Variants in NLGN1 observed in about 807,000 individuals in gnomAD.
NLGN1 encodes the protein neuroligin-1.
In NLGN1, 12 loss-of-function variants were observed where a neutral mutation model predicts 65.5. That is an observed-to-expected ratio of 0.18 (90% CI 0.12 to 0.30). NLGN1 has a LOEUF of 0.30. NLGN1 is among the 10% of genes least tolerant of loss of function. NLGN1 has a pLI of 1.00. For synonymous variants in NLGN1, 350 were observed against 359.5 expected (o/e 0.97, Z 0.30); for missense variants, 750 against 1,007.1 (o/e 0.74, Z 3.46).
At chr3:173,601,257 A>G (rs1257136867) in intron 2 of NLGN1, among the ~76,000 whole-genome samples, 1 of 152,012 alleles carries the variant, frequency 6.6e-6, no homozygotes, top group Non-Finnish European at 1.5e-5. Flanking sequence ...AAAAGAATAC[A>G]GGGAATTCAA....
intron 4 of NLGN1, among the ~76,000 whole-genome samples, chr3:174,199,887 G>A (rs371742878): frequency 6.6e-6 from 1 of 152,326 alleles, no homozygotes; most frequent in African/African-American, 2.4e-5. Flanking sequence ...ATGTGCAGAG[G>A]AGGAAATAAA....
chr3:174,243,604 A>AT (rs35041570), intron 4 of NLGN1, among the ~76,000 whole-genome samples: 17,792 of 151,884 alleles, frequency 0.12, 1,932 homozygotes, highest in African/African-American at 0.28. Flanking sequence ...CATTTCTAAT[A>AT]TTTTTTTCTG....
chr3:173,727,216 A>C (rs1578146308), intron 3 of NLGN1, among the ~76,000 whole-genome samples: 3 of 152,126 alleles, frequency 2.0e-5, no homozygotes, highest in Admixed American at 2.0e-4. Context: ...AGCAAATCCT[A>C]GTAGGGTTTA....
At chr3:173,698,187 G>C (rs1033347933) in intron 3 of NLGN1, among the ~76,000 whole-genome samples, 18 of 152,152 alleles carry the variant, frequency 1.2e-4, no homozygotes, top group Admixed American at 5.2e-4. Flanking sequence ...AAGGTTTGTA[G>C]TTTATTTATT....
chr3:173,560,007 G>A (rs1490507574), intron 2 of NLGN1, among the ~76,000 whole-genome samples: 1 of 144,634 alleles, frequency 6.9e-6, no homozygotes, highest in African/African-American at 2.6e-5. Context: ...GCAGTGGCAC[G>A]ATCTCAGCTC....
chr3:173,802,366 G>A (rs1715618452), intron 3 of NLGN1, among the ~76,000 whole-genome samples: 2 of 152,112 alleles, frequency 1.3e-5, no homozygotes, highest in South Asian at 2.1e-4. Context: ...AGTCACAAGA[G>A]TTATTGAATC....
intron 4 of NLGN1, among the ~76,000 whole-genome samples, chr3:174,049,227 C>T (rs530047370): frequency 2.2e-4 from 33 of 152,032 alleles, no homozygotes; most frequent in South Asian, 4.1e-4. Flanking sequence ...GTATGTGTAA[C>T]GCAGTAGCTA....
chr3:173,779,102 A>G (rs934919919), intron 3 of NLGN1, among the ~76,000 whole-genome samples: 6 of 151,734 alleles, frequency 4.0e-5, no homozygotes, highest in African/African-American at 1.4e-4. Flanking sequence ...TTTATATACA[A>G]ATCTGTAGAA....
chr3:174,148,470 C>T (rs1723748263), intron 4 of NLGN1, among the ~76,000 whole-genome samples: 1 of 152,150 alleles, frequency 6.6e-6, no homozygotes, highest in South Asian at 2.1e-4. Flanking sequence ...TGCCATAACC[C>T]TATAGCTACA....
intron 3 of NLGN1, among the ~76,000 whole-genome samples, chr3:173,652,486 G>A (rs1402178954): frequency 6.6e-6 from 1 of 151,948 alleles, no homozygotes; most frequent in African/African-American, 2.4e-5. Flanking sequence ...TCTACATATG[G>A]CAATTCCCAG....
intron 2 of NLGN1, among the ~76,000 whole-genome samples, chr3:173,588,311 A>G (rs1456805899): frequency 2.6e-5 from 4 of 152,202 alleles, no homozygotes; most frequent in Admixed American, 6.5e-5. Flanking sequence ...TGATTCCTTA[A>G]TAGTAACCCA....
At chr3:174,086,028 A>C (rs1743160999) in intron 4 of NLGN1, among the ~76,000 whole-genome samples, 1 of 151,934 alleles carries the variant, frequency 6.6e-6, no homozygotes, top group Admixed American at 6.6e-5. Context: ...ATTAATATTT[A>C]TGCATAATTT....
rs1391438324 is a variant in NLGN1 at position 174,279,751 on chromosome 3, T to C, written c.1649+101T>C. On this transcript the variant is annotated intron_variant, in intron 6 of 6. Transcript: ENST00000457714. This position sits in a 1 kb window ranked among gnomAD's most constrained non-coding sequence, Gnocchi z 4.7. ...CCCAGATAATGTCATATTGGATTAA[T>C]ACCTGCAAGATATTACATTCCTTTA... is the stretch of plus-strand genomic sequence containing the variant. The C allele has an allele frequency of 5.9e-6, 4 of 682,560 alleles. No homozygotes were observed. Among genetic ancestry groups the C allele is most frequent in the Non-Finnish European group, 9.9e-6 (4 of 403,978 alleles). The allele number at this position is 682,560 out of a possible 1,614,324, so 42.3% of individuals were successfully genotyped here.
At chr3:173,549,329 C>A (rs1040687066) in intron 2 of NLGN1, among the ~76,000 whole-genome samples, 1 of 151,926 alleles carries the variant, frequency 6.6e-6, no homozygotes, top group African/African-American at 2.4e-5. Context: ...TTAGCAAAAA[C>A]CAAAATATTT....
At chr3:173,864,052 A>G (rs900867876) in intron 4 of NLGN1, among the ~76,000 whole-genome samples, 4 of 152,222 alleles carry the variant, frequency 2.6e-5, no homozygotes, top group Admixed American at 1.3e-4. Context: ...ATGATAAAAA[A>G]GGAAACATTT....
intron 4 of NLGN1, among the ~76,000 whole-genome samples, chr3:173,943,066 A>C (rs1175727437): frequency 6.6e-6 from 1 of 151,932 alleles, no homozygotes; most frequent in African/African-American, 2.4e-5. Flanking sequence ...CTTTACAAAA[A>C]ATATAAAAAA....
At chr3:174,292,254 T>C in the NLGN1 span, among the ~76,000 whole-genome samples, 15 of 151,352 alleles carry the variant, frequency 9.9e-5, no homozygotes, top group Middle Eastern at 3.4e-3. Context: ...AAGGACCAGA[T>C]TGTGGTTTTA....
intron 3 of NLGN1, among the ~76,000 whole-genome samples, chr3:173,770,600 A>G (rs1037289984): frequency 1.3e-5 from 2 of 152,118 alleles, no homozygotes; most frequent in African/African-American, 2.4e-5. Context: ...ATTCCTTTGA[A>G]GGAGTGTATG....
intron 4 of NLGN1, among the ~76,000 whole-genome samples, chr3:174,123,541 A>G (rs1718222492): frequency 6.6e-6 from 1 of 152,034 alleles, no homozygotes; most frequent in South Asian, 2.1e-4. Flanking sequence ...TCATAAATAC[A>G]TATTTTTTTC....
Sources: gnomAD v4.1 joint callset for allele counts (sites outside exome capture counted in the v4.1 genomes callset) on GRCh38, gnomAD v4.1.1 for gene constraint, Gnocchi (gnomAD v3.1) non-coding constraint, MANE v1.5 for transcripts, NCBI Gene and HGNC (gene_info 2026-07-23, HGNC 2026-07-21) for gene names.